Variants in CREB3L3 observed in about 807,000 individuals in gnomAD.
CREB3L3 encodes cAMP responsive element binding protein 3 like 3.
CREB3L3 carries 40 observed loss-of-function variants against 44.6 expected under a neutral mutation model. That is an observed-to-expected ratio of 0.90 (90% CI 0.70 to 1.17). CREB3L3 has a LOEUF of 1.17. Ranked by LOEUF, CREB3L3 falls within the 50% of genes most tolerant of loss-of-function variation. The pLI is 0.00. For missense variants in CREB3L3, 578 were observed against 595.8 expected (o/e 0.97, Z 0.31); for synonymous variants, 273 against 256.3 (o/e 1.06, Z -0.62).
intron 2 of CREB3L3, 37 bp downstream of exon 2, chr19:4,155,064 G>A: frequency 1.9e-6 from 3 of 1,599,924 alleles, no homozygotes; most frequent in Non-Finnish European, 2.5e-6. Context: ...GGACCACAGA[G>A]CTCCAGGCGG....
At chr19:4,156,048 C>A (rs1229522407) in intron 2 of CREB3L3, among the ~76,000 whole-genome samples, 1 of 149,378 alleles carries the variant, frequency 6.7e-6, no homozygotes, top group Non-Finnish European at 1.5e-5. Context: ...CACACCCGGC[C>A]CTTTTTTCTC....
rs57754643 is a variant in CREB3L3, at chr19:4,156,081, T to TTCTCTCTCTC, written c.157-885_157-876dup. Among the ~76,000 whole-genome samples, 7 of 124,524 alleles carry TTCTCTCTCTC rather than the reference T, an allele frequency of 5.6e-5. No individual in the cohort carries two copies. The Admixed American group carries it at 6.1e-4, about 11-fold the overall frequency. 81.7% of individuals were successfully genotyped at this position (124,524 alleles called of 152,430 possible). Reference sequence around the variant, plus strand: ...CTCTTTCTTTCTCTCTCTCTCTCGTTTCTCTCTCTCTCTCTCTCTCTCTCT... The same window carrying TTCTCTCTCTC: ...CTCTTTCTTTCTCTCTCTCTCTCGTTTCTCTCTCTCTCTCTCTCTCTCTCTCTCTCTCTCT... On this transcript the variant is annotated intron_variant, in intron 2 of 9. Coordinates refer to ENST00000078445, the MANE Select transcript of CREB3L3 (RefSeq NM_032607.3).
intron 4 of CREB3L3, among the ~76,000 whole-genome samples, chr19:4,162,945 C>T (rs1197492923): frequency 6.6e-6 from 1 of 152,032 alleles, no homozygotes; most frequent in Non-Finnish European, 1.5e-5. Context: ...CCACGGCACT[C>T]CAACCCGGGT....
chr19:4,158,533 G>C (rs1568279269), intron 3 of CREB3L3, among the ~76,000 whole-genome samples: 1 of 151,850 alleles, frequency 6.6e-6, no homozygotes, highest in Admixed American at 6.6e-5. Flanking sequence ...TGGGCACAGT[G>C]GTTCACGCCT....
chr19:4,156,370 A>G (rs974506173), intron 2 of CREB3L3, among the ~76,000 whole-genome samples: 34 of 151,528 alleles, frequency 2.2e-4, no homozygotes, highest in Non-Finnish European at 3.2e-4. Flanking sequence ...AATTTTTAGT[A>G]GAGACGGGGT....
intron 3 of CREB3L3, 144 bp downstream of exon 3, chr19:4,157,439 G>A (rs1196366709): frequency 4.6e-6 from 4 of 868,898 alleles, no homozygotes; most frequent in African/African-American, 3.3e-5. Flanking sequence ...TCAAACTCAG[G>A]ACACGTGTCT....
intron 4 of CREB3L3, 126 bp downstream of exon 4, chr19:4,159,908 C>G: frequency 1.5e-6 from 1 of 686,216 alleles, no homozygotes; most frequent in South Asian, 1.6e-5. Context: ...AATTTGCCCA[C>G]AGTTAGAGAC....
At chr19:4,167,506 AAG>A (rs1468050838) in intron 5 of CREB3L3, among the ~76,000 whole-genome samples, 9 of 133,374 alleles carry the variant, frequency 6.7e-5, no homozygotes, top group Non-Finnish European at 1.1e-4. Flanking sequence ...GAGAAAGAGA[AAG>A]AGAGAAAGAG....
chr19:4,170,154 C>A lies in CREB3L3; in HGVS notation c.836C>A (p.Thr279Asn), dbSNP rs761554121. ...CCTCCTTTCAGGATGTCAGCTTGCA[C>A]TGCTCAGAATCAGGAGTTACAGAGG... ...DGLETRMSAC[T>N]AQNQELQRKV... Residue 279 changes from threonine to asparagine, a missense_variant, in exon 7 of 10, where the codon ACT becomes AAT. Physicochemically the swap from Thr to Asn is moderately conservative, Grantham distance 65. Transcript: ENST00000078445. 1.2e-6 allele frequency: 2 copies of A among 1,614,114 alleles called. No homozygotes were observed.
At chr19:4,169,858 C>T (rs1967004930) in intron 6 of CREB3L3, among the ~76,000 whole-genome samples, 1 of 152,102 alleles carries the variant, frequency 6.6e-6, no homozygotes, top group East Asian at 1.9e-4. Flanking sequence ...CACGGCCTCC[C>T]AAAGTGCTGG....
In CREB3L3 at chr19:4,172,288, GAC is replaced by G. The variant is rs1365392518; in HGVS notation, c.*321_*322del. On this transcript the variant is annotated 3_prime_UTR_variant, in exon 10 of 10. Coordinates refer to ENST00000078445, the MANE Select transcript of CREB3L3 (RefSeq NM_032607.3). ...ACACAGCCTGAAACAGACCCGGACA[GAC>G]AGACACAGCCTGAAACAGACCCAGA... 3.6e-5 allele frequency: 18 copies of G among 505,342 alleles called. No homozygotes were observed. Among genetic ancestry groups the G allele is most frequent in the South Asian group, 3.3e-4 (15 of 44,932 alleles). The allele number at this position is 505,342 out of a possible 1,614,324, so 31.3% of individuals were successfully genotyped here.
At chr19:4,160,614 G>GGC (rs1462764356) in intron 4 of CREB3L3, among the ~76,000 whole-genome samples, 14 of 152,036 alleles carry the variant, frequency 9.2e-5, no homozygotes, top group Middle Eastern at 3.4e-3. Flanking sequence ...GGAGTGCAGT[G>GGC]GTGCAATCTC....
intron 3 of CREB3L3, among the ~76,000 whole-genome samples, chr19:4,158,466 C>T (rs2041615152): frequency 6.6e-6 from 1 of 151,912 alleles, no homozygotes; most frequent in African/African-American, 2.4e-5. Flanking sequence ...CACTGCACTC[C>T]ATCCTGGCTG....
At chr19:4,164,044 G>A (rs1411499282) in intron 4 of CREB3L3, among the ~76,000 whole-genome samples, 1 of 148,752 alleles carries the variant, frequency 6.7e-6, no homozygotes, top group African/African-American at 2.5e-5. Context: ...CACAATCTCG[G>A]CTCACTGCAA....
chr19:4,164,790 C>A, intron 5 of CREB3L3, 150 bp downstream of exon 5: 3 of 952,988 alleles, frequency 3.1e-6, no homozygotes, highest in Middle Eastern at 3.0e-4. Flanking sequence ...CTTGCTGCAA[C>A]CTCTGCCTCT....
At chr19:4,156,092 TC>T (rs2041569700) in intron 2 of CREB3L3, among the ~76,000 whole-genome samples, 2 of 7,516 alleles carry the variant, frequency 2.7e-4, no homozygotes, top group South Asian at 0.01. Flanking sequence ...TCTCTCTCTC[TC>T]TCTCTCTCTC....
intron 5 of CREB3L3, among the ~76,000 whole-genome samples, chr19:4,165,133 G>A (rs2041708807): frequency 6.6e-6 from 1 of 151,806 alleles, no homozygotes; most frequent in Non-Finnish European, 1.5e-5. Context: ...ATCCAGGAAT[G>A]AATGGCGGAC....
At chr19:4,170,694 G>A (rs558734530) in intron 7 of CREB3L3, among the ~76,000 whole-genome samples, 63 of 152,002 alleles carry the variant, frequency 4.1e-4, no homozygotes, top group Admixed American at 1.7e-3. Flanking sequence ...CGGATCACAA[G>A]GTCGGGAGAT....
chr19:4,171,104 C>G lies in CREB3L3; in HGVS notation c.904C>G (p.Gln302Glu), dbSNP rs1325770482. 1 of 1,613,946 alleles carries G rather than the reference C, an allele frequency of 6.2e-7. No homozygotes were observed. The highest frequency in any genetic ancestry group is 8.5e-7 in the Non-Finnish European group (1 of 1,179,850). The change falls in exon 8 of 10, where the codon CAA (glutamine) becomes GAA (glutamate). Residue 302 changes from glutamine (Q) to glutamate (E), a missense_variant. Physicochemically the swap from Gln to Glu is conservative, Grantham distance 29 (BLOSUM62 2). Transcript: ENST00000078445. This position sits in a 1 kb window ranked among gnomAD's most constrained non-coding sequence, Gnocchi z 4.9. ...LEKQNLSLLEQLKKLQAIVVQ... is the reference protein window; with the variant it reads ...LEKQNLSLLEELKKLQAIVVQ... ...TGTCTCTCTAAGGTCCCTCTTGGAGCAACTGAAGAAACTCCAGGCCATTGT... is the reference window on the plus strand; with the variant it reads ...TGTCTCTCTAAGGTCCCTCTTGGAGGAACTGAAGAAACTCCAGGCCATTGT...
Sources: allele counts gnomAD v4.1 joint callset (sites outside exome capture counted in the v4.1 genomes callset), GRCh38; gene constraint gnomAD v4.1.1; non-coding constraint Gnocchi (gnomAD v3.1); transcripts MANE v1.5; gene names NCBI Gene and HGNC (gene_info 2026-07-23, HGNC 2026-07-21).